The following ZCCHC7 variants were observed in gnomAD, a reference collection of about 807,000 sequenced individuals.
ZCCHC7 encodes zinc finger CCHC domain-containing protein 7.
Under a neutral mutation model 52.0 loss-of-function variants are expected in ZCCHC7, and 35 were observed. The observed-to-expected ratio is 0.67, with a 90% confidence interval of 0.51 to 0.89. The LOEUF is 0.89. ZCCHC7 is among the 40% of genes least tolerant of loss of function. The pLI, the probability that ZCCHC7 is intolerant of heterozygous loss-of-function variation, is 0.00. For missense variants in ZCCHC7, 574 were observed against 649.1 expected, an observed-to-expected ratio of 0.88 and a Z score of 1.26; for synonymous variants, 217 against 221.5, an observed-to-expected ratio of 0.98 and a Z score of 0.18.
In ZCCHC7 at chr9:37,304,234, A is replaced by G; in HGVS notation, c.701A>G (p.Tyr234Cys). ...NRTPGRWTQR[Y>C]YSANKNIICR... is the part of the protein sequence containing the mutation. Reference sequence around the variant, plus strand: ...ACACCTGGAAGATGGACCCAGCGGTACTATTCAGCCAACAAAAACATTATC... The same window carrying G: ...ACACCTGGAAGATGGACCCAGCGGTGCTATTCAGCCAACAAAAACATTATC... Residue 234 changes from tyrosine (Y) to cysteine (C), a missense_variant, in exon 4 of 9, where the codon TAC becomes TGC. By Grantham distance (194) the Tyr-to-Cys change is radical. Around this residue, in one of 3 missense-constraint regions of ZCCHC7, gnomAD observed 403 missense variants for 461.2 expected, o/e 0.87. Transcript: ENST00000336755. The G allele has an allele frequency of 1.2e-6, 2 of 1,614,028 alleles. No individual in the cohort carries two copies. The highest frequency in any genetic ancestry group is 1.7e-6 in the Non-Finnish European group (2 of 1,179,948).
At position 37,288,106 on chromosome 9, in the gene ZCCHC7, C is replaced by G. The variant is rs1588617357; in HGVS notation, c.611-14082C>G. On this transcript the variant is annotated intron_variant, in intron 2 of 8. Coordinates refer to ENST00000336755, the MANE Select transcript of ZCCHC7 (RefSeq NM_032226.3). The stretch of plus-strand genomic sequence containing the variant: ...CCAGCCTGGGCATCATAGCAAAACC[C>G]CATATAACACAAAAATATAAAAAAT... Among the ~76,000 whole-genome samples the G allele has an allele frequency of 2.0e-5, 3 of 151,808 alleles. 1 individual carries two copies. Among genetic ancestry groups the G allele is most frequent in the Admixed American group, 2.0e-4 (3 of 15,238 alleles).
intron 5 of ZCCHC7, among the ~76,000 whole-genome samples, chr9:37,309,569 C>A (rs1403755782): frequency 6.6e-6 from 1 of 152,202 alleles, no homozygotes; most frequent in East Asian, 1.9e-4. Context: ...ATCTTCCCAC[C>A]TACTGGACTT....
intron 1 of ZCCHC7, 58 bp downstream of exon 1, chr9:37,120,681 CCTT>C (rs1842267758): frequency 5.3e-6 from 2 of 379,526 alleles, no homozygotes; most frequent in South Asian, 1.3e-4. Flanking sequence ...TGCCTACCCT[CCTT>C]CTTGCCCGCC....
intron 1 of ZCCHC7, among the ~76,000 whole-genome samples, chr9:37,123,214 TGTGTGTGTGTGC>T (rs945241295): frequency 7.1e-5 from 9 of 126,740 alleles, no homozygotes; most frequent in African/African-American, 2.4e-4. Flanking sequence ...TGTGTGTGTG[TGTGTGTGTGTGC>T]GTGTGCGTGT....
At chr9:37,184,487 A>T (rs1049900878) in intron 2 of ZCCHC7, among the ~76,000 whole-genome samples, 1 of 151,316 alleles carries the variant, frequency 6.6e-6, no homozygotes, top group Non-Finnish European at 1.5e-5. Context: ...GCAGGATCCT[A>T]TTCCTGCTCT....
chr9:37,128,032 G>A (rs1251050911), intron 2 of ZCCHC7, among the ~76,000 whole-genome samples: 3 of 152,154 alleles, frequency 2.0e-5, no homozygotes, highest in Non-Finnish European at 4.4e-5. Flanking sequence ...ACAGCAAAAC[G>A]AAAAGAGAGA....
chr9:37,295,172 T>A lies in ZCCHC7; in HGVS notation c.611-7016T>A, dbSNP rs950222679. Among the ~76,000 whole-genome samples, 4 of 152,264 alleles carry A rather than the reference T, an allele frequency of 2.6e-5. No individual in the cohort carries two copies. In the East Asian group the frequency reaches 5.8e-4, roughly 22 times the overall value. ...GGTGAGTAGGGACTTGATGGCCATA[T>A]CCCAATTCCAAGTGGATGAATTGGG... On this transcript the variant is annotated intron_variant, in intron 2 of 8. Transcript: ENST00000336755.
intron 2 of ZCCHC7, among the ~76,000 whole-genome samples, chr9:37,250,292 TTC>T (rs779228636): frequency 6.6e-6 from 1 of 150,548 alleles, no homozygotes; most frequent in Non-Finnish European, 1.5e-5. Context: ...ATCTCTCTCT[TTC>T]TCTCTCTTTT....
intron 2 of ZCCHC7, among the ~76,000 whole-genome samples, chr9:37,149,065 C>T (rs1041697555): frequency 2.0e-5 from 3 of 152,080 alleles, no homozygotes; most frequent in African/African-American, 7.2e-5. Flanking sequence ...GTGTTACAAC[C>T]TACTCTATAG....
intron 2 of ZCCHC7, among the ~76,000 whole-genome samples, chr9:37,273,516 A>G (rs1827533521): frequency 6.6e-6 from 1 of 152,166 alleles, no homozygotes; most frequent in Admixed American, 6.5e-5. Context: ...AAGAAAAGAA[A>G]AAGAAAGGGT....
intron 2 of ZCCHC7, among the ~76,000 whole-genome samples, chr9:37,288,528 A>T (rs1173850341): frequency 6.6e-6 from 1 of 152,116 alleles, no homozygotes; most frequent in East Asian, 1.9e-4. Context: ...GGTCAAAATC[A>T]TCAAACATTT....
chr9:37,134,511 T>G (rs1489411085), intron 2 of ZCCHC7, among the ~76,000 whole-genome samples: 1 of 152,218 alleles, frequency 6.6e-6, no homozygotes, highest in African/African-American at 2.4e-5. Flanking sequence ...TTTGGTTTTC[T>G]TTTATAATCA....
At chr9:37,327,750 A>G (rs201121006) in intron 5 of ZCCHC7, 49 bp from the exon 6 acceptor site, 15 of 1,609,826 alleles carry the variant, frequency 9.3e-6, no homozygotes, top group Non-Finnish European at 1.2e-5. Context: ...AACAGGCTGT[A>G]AAGTACCTTG....
intron 2 of ZCCHC7, among the ~76,000 whole-genome samples, chr9:37,188,550 C>T (rs1241626747): frequency 2.5e-5 from 2 of 78,732 alleles, no homozygotes; most frequent in Non-Finnish European, 5.2e-5. Flanking sequence ...ACCCTCCCCC[C>T]TCACCTCCCC....
At chr9:37,147,795 T>G (rs189090385) in intron 2 of ZCCHC7, among the ~76,000 whole-genome samples, 8 of 152,052 alleles carry the variant, frequency 5.3e-5, no homozygotes, top group Non-Finnish European at 1.0e-4. Context: ...GATCAAACAT[T>G]TGTGGCTTTT....
intron 6 of ZCCHC7, among the ~76,000 whole-genome samples, chr9:37,347,477 A>G (rs1821060766): frequency 6.6e-6 from 1 of 152,254 alleles, no homozygotes; most frequent in Admixed American, 6.5e-5. Flanking sequence ...CCAACCTAAT[A>G]TACATACTGA....
intron 2 of ZCCHC7, among the ~76,000 whole-genome samples, chr9:37,192,868 CT>C (rs1823090261): frequency 6.6e-6 from 1 of 152,018 alleles, no homozygotes; most frequent in African/African-American, 2.4e-5. Context: ...TGGGATTATT[CT>C]TTAGTCTGGA....
At chr9:37,200,915 T>A (rs1343484964) in intron 2 of ZCCHC7, among the ~76,000 whole-genome samples, 1 of 152,246 alleles carries the variant, frequency 6.6e-6, no homozygotes, top group Non-Finnish European at 1.5e-5. Flanking sequence ...TAATGTTAAG[T>A]CTTCATCACA....
intron 1 of ZCCHC7, among the ~76,000 whole-genome samples, chr9:37,122,149 T>C (rs577376797): frequency 2.3e-4 from 35 of 152,186 alleles, no homozygotes; most frequent in African/African-American, 8.4e-4. Flanking sequence ...TGGAAGTAAA[T>C]AAGAGCAAAA....
Sources: gnomAD v4.1 joint callset for allele counts (sites outside exome capture counted in the v4.1 genomes callset) on GRCh38, gnomAD v4.1.1 for gene constraint, gnomAD v4.1.1 regional missense constraint, MANE v1.5 for transcripts, NCBI Gene and HGNC (gene_info 2026-07-23, HGNC 2026-07-21) for gene names.